The following MB21D2 variants were observed in gnomAD, a reference collection of about 807,000 sequenced individuals.
MB21D2 encodes Mab-21 domain containing 2.
MB21D2 carries 9 observed loss-of-function variants against 33.3 expected under a neutral mutation model. That is an observed-to-expected ratio of 0.27 (90% CI 0.16 to 0.47). The LOEUF is 0.47. Among genes scored for constraint, MB21D2 ranks in the 20% least tolerant of loss-of-function variants. The pLI is 0.99. For missense variants in MB21D2, 540 were observed against 624.6 expected (o/e 0.86, Z 1.44); for synonymous variants, 241 against 236.3 (o/e 1.02, Z -0.18).
chr3:192,830,288 G>A (rs1712287140), intron 1 of MB21D2, among the ~76,000 whole-genome samples: 1 of 151,632 alleles, frequency 6.6e-6, no homozygotes, highest in African/African-American at 2.4e-5. Context: ...AAGGGAGAGA[G>A]GAGAAAAAAG....
At chr3:192,828,217 G>A (rs889096594) in intron 1 of MB21D2, among the ~76,000 whole-genome samples, 2 of 152,020 alleles carry the variant, frequency 1.3e-5, no homozygotes, top group African/African-American at 4.8e-5. Flanking sequence ...GATTCTGGCT[G>A]AATGCAAATT....
At chr3:192,881,606 C>T (rs1309849951) in intron 1 of MB21D2, among the ~76,000 whole-genome samples, 1 of 152,110 alleles carries the variant, frequency 6.6e-6, no homozygotes, top group Non-Finnish European at 1.5e-5. Context: ...AGAGCACCCT[C>T]GCTGGCAGGT....
intron 1 of MB21D2, among the ~76,000 whole-genome samples, chr3:192,859,194 A>G (rs1422610163): frequency 6.6e-6 from 1 of 152,172 alleles, no homozygotes. Flanking sequence ...CCTCAATGAG[A>G]AGAGCAGCAA....
At chr3:192,904,198 T>G (rs1714159854) in intron 1 of MB21D2, among the ~76,000 whole-genome samples, 1 of 152,216 alleles carries the variant, frequency 6.6e-6, no homozygotes, top group Non-Finnish European at 1.5e-5. Context: ...GAAAATGTAT[T>G]CAGAAGACAG....
intron 1 of MB21D2, among the ~76,000 whole-genome samples, chr3:192,860,670 T>G (rs1201308767): frequency 2.6e-5 from 4 of 152,158 alleles, no homozygotes; most frequent in Non-Finnish European, 2.9e-5. Flanking sequence ...GGGAGCCAGC[T>G]CTGCCAGCAG....
At chr3:192,873,191 T>C (rs1713349490) in intron 1 of MB21D2, among the ~76,000 whole-genome samples, 1 of 152,158 alleles carries the variant, frequency 6.6e-6, no homozygotes, top group African/African-American at 2.4e-5. Context: ...TACAATAGAA[T>C]GGTTGCTGTA....
chr3:192,828,473 T>C (rs761446808), intron 1 of MB21D2, among the ~76,000 whole-genome samples: 2 of 150,880 alleles, frequency 1.3e-5, no homozygotes, highest in Non-Finnish European at 3.0e-5. Context: ...TAGCAAGTCA[T>C]TTCCTCATCT....
At chr3:192,860,925 C>T (rs2108633712) in intron 1 of MB21D2, among the ~76,000 whole-genome samples, 1 of 152,250 alleles carries the variant, frequency 6.6e-6, no homozygotes, top group Non-Finnish European at 1.5e-5. Context: ...ATAACATAAG[C>T]TGATGATTTC....
intron 1 of MB21D2, among the ~76,000 whole-genome samples, chr3:192,802,410 C>T (rs1166648039): frequency 6.6e-6 from 1 of 152,176 alleles, no homozygotes; most frequent in Admixed American, 6.5e-5. Context: ...ACCCAACATA[C>T]TACACTAAAT....
chr3:192,893,623 C>T (rs1182564895), intron 1 of MB21D2, among the ~76,000 whole-genome samples: 1 of 152,184 alleles, frequency 6.6e-6, no homozygotes, highest in Non-Finnish European at 1.5e-5. Context: ...GCACTTAGCA[C>T]TTAGCCTCAG....
intron 1 of MB21D2, among the ~76,000 whole-genome samples, chr3:192,819,883 C>G (rs978419137): frequency 3.9e-5 from 6 of 152,162 alleles, no homozygotes; most frequent in Non-Finnish European, 5.9e-5. Context: ...GAGAGCAGGC[C>G]CTGCAGCTCC....
intron 1 of MB21D2, among the ~76,000 whole-genome samples, chr3:192,913,572 C>G (rs148828119): frequency 0.021 from 3,137 of 152,052 alleles, 44 homozygotes; most frequent in Non-Finnish European, 0.033. Flanking sequence ...GCCTGTAATA[C>G]CAGCACTTTG....
At chr3:192,848,091 A>T (rs1712712200) in intron 1 of MB21D2, among the ~76,000 whole-genome samples, 1 of 152,236 alleles carries the variant, frequency 6.6e-6, no homozygotes, top group Non-Finnish European at 1.5e-5. Context: ...GGCATTACAC[A>T]CATATTTTAA....
intron 1 of MB21D2, among the ~76,000 whole-genome samples, chr3:192,886,700 T>C (rs911501955): frequency 9.2e-5 from 14 of 152,162 alleles, no homozygotes; most frequent in African/African-American, 3.4e-4. Context: ...CATGTACTAG[T>C]CATTCTACAA....
At chr3:192,812,396 C>T (rs995684277) in intron 1 of MB21D2, among the ~76,000 whole-genome samples, 19 of 152,112 alleles carry the variant, frequency 1.2e-4, no homozygotes, top group Non-Finnish European at 2.6e-4. Context: ...CTGTCAGTGT[C>T]CCTCTGATGA....
chr3:192,822,806 G>A (rs1712090128), intron 1 of MB21D2, among the ~76,000 whole-genome samples: 1 of 152,212 alleles, frequency 6.6e-6, no homozygotes, highest in Non-Finnish European at 1.5e-5. Context: ...CTGGTAGTTA[G>A]AGGCCACGCA....
intron 1 of MB21D2, among the ~76,000 whole-genome samples, chr3:192,850,951 ACT>A (rs968824393): frequency 1.3e-4 from 20 of 152,046 alleles, no homozygotes; most frequent in African/African-American, 4.6e-4. Context: ...AAGAGCACAG[ACT>A]CTGCAGTTAA....
rs1420117288 is a variant in MB21D2 at position 192,821,039 on chromosome 3, TAAAC to T, written c.212-21393_212-21390del. Among the ~76,000 whole-genome samples, 7 of 152,270 alleles carry T rather than the reference TAAAC, an allele frequency of 4.6e-5. No individual in the cohort carries two copies. The East Asian group carries it at 9.6e-4, about 21-fold the overall frequency. ...ACACCCATCCCTCACAAATCCATTT[TAAAC>T]AAACAAACAGAACATTACGTACCCT... is the stretch of plus-strand genomic sequence containing the variant. On this transcript the variant is annotated intron_variant, in intron 1 of 1. Transcript: ENST00000392452.
At chr3:192,892,587 C>T (rs1349091978) in intron 1 of MB21D2, among the ~76,000 whole-genome samples, 2 of 152,088 alleles carry the variant, frequency 1.3e-5, no homozygotes, top group South Asian at 4.1e-4. Flanking sequence ...ATTACAGGCA[C>T]CTGCCACCAC....
Sources: allele counts gnomAD v4.1 joint callset (sites outside exome capture counted in the v4.1 genomes callset), GRCh38; gene constraint gnomAD v4.1.1; transcripts MANE v1.5; gene names NCBI Gene and HGNC (gene_info 2026-07-23, HGNC 2026-07-21).